ARRDC1: variants seen among roughly 807,000 people sequenced by gnomAD.
ARRDC1 encodes arrestin domain containing 1, also known as arrestin domain-containing protein 1.
A neutral mutation model predicts 40.1 loss-of-function variants in ARRDC1; 37 were observed. The ratio of observed to expected loss-of-function variants is 0.92; its 90% CI spans 0.71 to 1.21. ARRDC1 has a LOEUF of 1.21. Ranked by LOEUF, ARRDC1 falls within the 50% of genes most tolerant of loss-of-function variation. The pLI, the probability that ARRDC1 is intolerant of heterozygous loss-of-function variation, is 0.00. For missense variants in ARRDC1, 641 were observed against 581.9 expected, an observed-to-expected ratio of 1.10 and a Z score of -1.04; for synonymous variants, 310 against 262.5, an observed-to-expected ratio of 1.18 and a Z score of -1.75.
rs1390138462 is a variant in ARRDC1 at position 137,614,703 on chromosome 9, CAGG to C, written c.947_949del (p.Glu316del). ...CCTGGTGGTGCCTTCCGCACCACCC[CAGG>C]AGGAGGCTGAGGCTGAGGCTGCGGC... is the stretch of plus-strand genomic sequence containing the variant. On this transcript the variant is annotated inframe_deletion, in exon 7 of 8. Transcript: ENST00000371421. 26 of 1,610,848 alleles carry C rather than the reference CAGG, an allele frequency of 1.6e-5. No homozygotes were observed. Among genetic ancestry groups the C allele is most frequent in the Non-Finnish European group, 2.0e-5 (24 of 1,179,224 alleles).
rs751466356 is a variant in ARRDC1, at chr9:137,613,420, CA to C, written c.230-39del. On this transcript the variant is annotated intron_variant, in intron 2 of 7. Transcript: ENST00000371421. ...GCCCTGTGGCCACCTCAGGCCACCT[CA>C]GGGGGGGACTGCCCCCCACCTCCCT... is the stretch of plus-strand genomic sequence containing the variant. 3.1e-6 allele frequency: 5 copies of C among 1,599,720 alleles called. 1 individual carries two copies. Among genetic ancestry groups the C allele is most frequent in the Middle Eastern group, 4.4e-4 (2 of 4,582 alleles).
Position 137,614,026 on chromosome 9 carries a change from C to G in ARRDC1, c.436-6C>G. The G allele has an allele frequency of 6.2e-7, 1 of 1,613,494 alleles. No homozygotes were observed. Among genetic ancestry groups the G allele is most frequent in the Non-Finnish European group, 8.5e-7 (1 of 1,179,900 alleles). ...TGCTAAGCCCCTCCCTGGCCCTCCC[C>G]CCAAGCAACCCAACGTGGCCTCTGC... On this transcript the variant is annotated splice_region_variant and splice_polypyrimidine_tract_variant and intron_variant, in intron 4 of 7. Coordinates refer to ENST00000371421, the MANE Select transcript of ARRDC1 (RefSeq NM_152285.4).
intron 1 of ARRDC1, chr9:137,612,222 A>T (rs1335818892): frequency 6.6e-6 from 1 of 152,438 alleles, no homozygotes; most frequent in African/African-American, 2.4e-5. Flanking sequence ...TGGACTAAGG[A>T]ATTTGTGTTC....
At chr9:137,608,477 G>A (rs1173116181) in intron 1 of ARRDC1, among the ~76,000 whole-genome samples, 3 of 152,240 alleles carry the variant, frequency 2.0e-5, no homozygotes, top group African/African-American at 4.8e-5. Context: ...CCTTCAGCGT[G>A]TTCTGCCATC....
Position 137,614,204 on chromosome 9 carries a change from G to A in ARRDC1, c.608G>A (p.Ser203Asn), listed in dbSNP as rs1197298311. 1 of 1,596,128 alleles carries A rather than the reference G, an allele frequency of 6.3e-7. No homozygotes were observed. Among genetic ancestry groups the A allele is most frequent in the Non-Finnish European group, 8.6e-7 (1 of 1,167,736 alleles). Residue 203 changes from serine (S) to asparagine (N), a missense_variant, in exon 5 of 8, where the codon AGT (serine) becomes AAT (asparagine). Physicochemically the swap from Ser to Asn is conservative, Grantham distance 46. Coordinates refer to ENST00000371421, the MANE Select transcript of ARRDC1 (RefSeq NM_152285.4). Reference protein sequence around the residue: ...SGKDTSPVVASLLQKVSYKAK... With the variant: ...SGKDTSPVVANLLQKVSYKAK... ...AAGGACACCAGCCCTGTGGTGGCCA[G>A]TCTGCTGCAGGTCAGAGCCCCCGCC...
chr9:137,611,768 C>T (rs543462802), intron 1 of ARRDC1: 220 of 152,520 alleles, frequency 1.4e-3, no homozygotes, highest in Non-Finnish European at 2.4e-3. Context: ...TGGAGAGCCA[C>T]GTGGGGCTGC....
rs770244567 is a variant in ARRDC1 at position 137,614,559 on chromosome 9, GTC to G, written c.802_803del (p.Leu268GlufsTer50). On this transcript the variant is annotated frameshift_variant and splice_region_variant, in exon 7 of 8. Transcript: ENST00000371421. LOFTEE classifies it high-confidence loss of function. ...SLIHIDYYLQ[V>X]SLKAPEATVT... The stretch of plus-strand genomic sequence containing the variant: ...CATGCCCCACCTCAATCCTGTCCAG[GTC>G]TCTCTGAAGGCGCCGGAAGCTACTG... 1.9e-6 allele frequency: 3 copies of G among 1,613,044 alleles called. No individual in the cohort carries two copies. The highest frequency in any genetic ancestry group is 1.7e-5 in the Admixed American group (1 of 60,014).
intron 1 of ARRDC1, 40 bp downstream of exon 1, chr9:137,605,875 G>C: frequency 2.6e-6 from 3 of 1,165,992 alleles, no homozygotes; most frequent in Non-Finnish European, 3.2e-6. Flanking sequence ...GGCCGCACCT[G>C]CGCGGGGCCA....
Position 137,605,754 on chromosome 9 carries a change from C to T in ARRDC1, c.37C>T (p.His13Tyr), listed in dbSNP as rs778878796. 1.3e-4 allele frequency: 186 copies of T among 1,377,882 alleles called. No homozygotes were observed. The highest frequency in any genetic ancestry group is 1.7e-4 in the Non-Finnish European group (178 of 1,062,214). The allele number at this position is 1,377,882 out of a possible 1,614,324, so 85.4% of individuals were successfully genotyped here. A position where few individuals can be genotyped will look rare whatever the true frequency, so the allele number is the denominator to read the frequency against. ...RVQLFEISLS[H>Y]GRVVYSPGEP... ...GCAGCTCTTCGAGATCAGCCTGAGC[C>T]ACGGCCGCGTCGTCTACAGCCCCGG... Residue 13 changes from histidine to tyrosine, a missense_variant, in exon 1 of 8, where the codon CAC becomes TAC. His to Tyr is a moderately conservative substitution (Grantham distance 83, BLOSUM62 2). Coordinates refer to ENST00000371421, the MANE Select transcript of ARRDC1 (RefSeq NM_152285.4).
chr9:137,609,725 C>G (rs546734307), intron 1 of ARRDC1, among the ~76,000 whole-genome samples: 3 of 151,996 alleles, frequency 2.0e-5, no homozygotes, highest in African/African-American at 7.3e-5. Flanking sequence ...GGGGTTTCAC[C>G]GTGTTACCTA....
At chr9:137,606,246 T>C (rs1250677260) in intron 1 of ARRDC1, among the ~76,000 whole-genome samples, 2 of 152,058 alleles carry the variant, frequency 1.3e-5, no homozygotes, top group Non-Finnish European at 1.5e-5. Context: ...AGACACCTGC[T>C]GCGGCTCCCT....
rs750898901 is a variant in ARRDC1, at chr9:137,614,738, C to T, written c.975C>T (p.Gly325=). Residue 325 remains glycine, a synonymous_variant, in exon 7 of 8, where the codon GGC becomes GGT. Transcript: ENST00000371421. ...EEAEAEAAAG[G]PHFLDPVFLS... ...CTGAGGCTGAGGCTGCGGCTGGCGG[C>T]CCCCACTTCTTGGACCCCGTCTTCC... 5 of 1,607,980 alleles carry T rather than the reference C, an allele frequency of 3.1e-6. No individual in the cohort carries two copies. Among genetic ancestry groups the T allele is most frequent in the Admixed American group, 3.4e-5 (2 of 59,156 alleles).
Position 137,605,757 on chromosome 9 carries a change from G to A in ARRDC1, c.40G>A (p.Gly14Ser). 5 of 1,372,958 alleles carry A rather than the reference G, an allele frequency of 3.6e-6. No individual in the cohort carries two copies. Among genetic ancestry groups the A allele is most frequent in the South Asian group, 1.6e-5 (1 of 62,820 alleles). The allele number at this position is 1,372,958 out of a possible 1,614,324, so 85.0% of individuals were successfully genotyped here. A position where few individuals can be genotyped will look rare whatever the true frequency, so the allele number is the denominator to read the frequency against. Reference sequence around the variant, plus strand: ...GCTCTTCGAGATCAGCCTGAGCCACGGCCGCGTCGTCTACAGCCCCGGGGA... The same window carrying A: ...GCTCTTCGAGATCAGCCTGAGCCACAGCCGCGTCGTCTACAGCCCCGGGGA... The part of the protein sequence containing the change: ...VQLFEISLSH[G>S]RVVYSPGEPL... Residue 14 changes from glycine (G) to serine (S), a missense_variant, in exon 1 of 8, where the codon GGC (glycine) becomes AGC (serine). Physicochemically the swap from Gly to Ser is moderately conservative, Grantham distance 56. Transcript: ENST00000371421.
At chr9:137,609,359 C>A (rs1396790457) in intron 1 of ARRDC1, among the ~76,000 whole-genome samples, 1 of 152,076 alleles carries the variant, frequency 6.6e-6, no homozygotes, top group African/African-American at 2.4e-5. Context: ...CTCAGACTCC[C>A]GAGTAGCTGG....
chr9:137,614,906 T>G lies in ARRDC1; in HGVS notation c.1143T>G (p.Thr381=). ...HPPLCISTGA[T]VPYFAEGSGG... ...CCTTGTGCATTTCAACAGGTGCCACTGTCCCCTACTTTGCAGAGGGCTCCG... is the reference window on the plus strand; with the variant it reads ...CCTTGTGCATTTCAACAGGTGCCACGGTCCCCTACTTTGCAGAGGGCTCCG... The change falls in exon 7 of 8, where the codon ACT becomes ACG. Residue 381 remains threonine (T), a synonymous_variant. Coordinates refer to ENST00000371421, the MANE Select transcript of ARRDC1 (RefSeq NM_152285.4). 1.2e-6 allele frequency: 2 copies of G among 1,613,888 alleles called. No individual in the cohort carries two copies. Among genetic ancestry groups the G allele is most frequent in the South Asian group, 1.1e-5 (1 of 91,090 alleles).
Position 137,614,196 on chromosome 9 carries a change from G to T in ARRDC1, c.600G>T (p.Val200=), listed in dbSNP as rs1279398796. 1 of 1,601,632 alleles carries T rather than the reference G, an allele frequency of 6.2e-7. No homozygotes were observed. The highest frequency in any genetic ancestry group is 1.7e-5 in the Admixed American group (1 of 59,552). Residue 200 remains valine (V), a synonymous_variant, in exon 5 of 8, where the codon GTG becomes GTT. Coordinates refer to ENST00000371421, the MANE Select transcript of ARRDC1 (RefSeq NM_152285.4). ...AGTCAGGCAAGGACACCAGCCCTGT[G>T]GTGGCCAGTCTGCTGCAGGTCAGAG... ...ENQSGKDTSP[V]VASLLQKVSY... is the part of the protein sequence containing the mutation.
At chr9:137,606,174 C>T (rs897201271) in intron 1 of ARRDC1, among the ~76,000 whole-genome samples, 3 of 151,658 alleles carry the variant, frequency 2.0e-5, no homozygotes, top group African/African-American at 7.3e-5. Flanking sequence ...CCCTGGCTCC[C>T]GGCGCAGGCG....
At chr9:137,613,811 C>A (rs1842592566) in intron 4 of ARRDC1, 42 bp downstream of exon 4, 1 of 1,607,046 alleles carries the variant, frequency 6.2e-7, no homozygotes, top group African/African-American at 1.3e-5. Context: ...TCCCCACCCT[C>A]ATGGAGGCTG....
Position 137,613,785 on chromosome 9 carries a change from T to C in ARRDC1, c.435+16T>C, listed in dbSNP as rs766948140. 7 of 1,613,502 alleles carry C rather than the reference T, an allele frequency of 4.3e-6. No homozygotes were observed. The highest frequency in any genetic ancestry group is 1.1e-5 in the South Asian group (1 of 91,066). ...AGACATTGAGGTGAGGATGGCACAG[T>C]GACCTCCTTGGTGGGTCCCCACCCT... On this transcript the variant is annotated intron_variant, in intron 4 of 7. Transcript: ENST00000371421.
Sources: gnomAD v4.1 joint callset for allele counts (sites outside exome capture counted in the v4.1 genomes callset) on GRCh38, gnomAD v4.1.1 for gene constraint, MANE v1.5 for transcripts, NCBI Gene and HGNC (gene_info 2026-07-23, HGNC 2026-07-21) for gene names.